The following ST3GAL3 variants were observed in gnomAD, a reference collection of about 807,000 sequenced individuals.
ST3GAL3 encodes ST3 beta-galactoside alpha-2,3-sialyltransferase 3.
In ST3GAL3, 21 loss-of-function variants were observed where a neutral mutation model predicts 50.1. That is an observed-to-expected ratio of 0.42 (90% CI 0.30 to 0.60). The LOEUF is 0.60. Among genes scored for constraint, ST3GAL3 ranks in the 20% least tolerant of loss-of-function variants. ST3GAL3 has a pLI of 0.19. For missense variants in ST3GAL3, 353 were observed against 489.4 expected, an observed-to-expected ratio of 0.72 and a Z score of 2.63; for synonymous variants, 183 against 190.0, an observed-to-expected ratio of 0.96 and a Z score of 0.30.
In ST3GAL3 at chr1:43,930,576, G is replaced by C; in HGVS notation, c.*355G>C. ...TGAATTTGGGTAGGGGGGAGGGTAG[G>C]GATAATTTATTTTTAAATAAGGTTG... On this transcript the variant is annotated 3_prime_UTR_variant, in exon 12 of 12. Coordinates refer to ENST00000347631, the MANE Select transcript of ST3GAL3 (RefSeq NM_006279.5). 1 of 384,936 alleles carries C rather than the reference G, an allele frequency of 2.6e-6. No homozygotes were observed. The highest frequency in any genetic ancestry group is 6.0e-5 in the East Asian group (1 of 16,656). 23.8% of individuals were successfully genotyped at this position (384,936 alleles called of 1,614,324 possible).
At chr1:43,707,868 G>C (rs946770045) in intron 1 of ST3GAL3, 175 bp downstream of exon 1, 4 of 152,264 alleles carry the variant, frequency 2.6e-5, no homozygotes, top group African/African-American at 9.6e-5. Flanking sequence ...CCTTCGGGCT[G>C]GGGGCCCAGT....
rs561742559 is a variant in ST3GAL3, at chr1:43,775,750, A to T, written c.119-16352A>T. ...CATACCCTTGTTCAGCATAGTTACC[A>T]AATAAAAGATTCAGAATACCAAGGA... On this transcript the variant is annotated intron_variant, in intron 2 of 11. Transcript: ENST00000347631. Among the ~76,000 whole-genome samples, 91 of 152,200 alleles carry T rather than the reference A, an allele frequency of 6.0e-4. 2 individuals carry two copies. In the South Asian group the frequency reaches 0.015, roughly 26 times the overall value.
intron 11 of ST3GAL3, among the ~76,000 whole-genome samples, chr1:43,928,524 C>CG (rs902849216): frequency 3.3e-5 from 5 of 151,392 alleles, no homozygotes; most frequent in East Asian, 1.9e-4. Flanking sequence ...CCCTTGAACC[C>CG]GGGGGGCGGA....
At chr1:43,760,348 G>T (rs1689792850) in intron 2 of ST3GAL3, among the ~76,000 whole-genome samples, 1 of 152,206 alleles carries the variant, frequency 6.6e-6, no homozygotes, top group Non-Finnish European at 1.5e-5. Context: ...TAACAAATGA[G>T]ATTTTTTGAT....
chr1:43,746,612 G>A (rs35052091), intron 2 of ST3GAL3, among the ~76,000 whole-genome samples: 48,396 of 151,090 alleles, frequency 0.32, 9,274 homozygotes, highest in East Asian at 0.53. Context: ...ACAGGAGCCC[G>A]CCACCACATC....
intron 2 of ST3GAL3, among the ~76,000 whole-genome samples, chr1:43,751,930 T>C (rs1169364929): frequency 6.6e-6 from 1 of 151,998 alleles, no homozygotes; most frequent in Non-Finnish European, 1.5e-5. Flanking sequence ...GCGATTCTCC[T>C]GTCTCAGTTT....
chr1:43,797,086 G>C (rs1033638525), intron 3 of ST3GAL3, among the ~76,000 whole-genome samples: 1 of 152,326 alleles, frequency 6.6e-6, no homozygotes, highest in Non-Finnish European at 1.5e-5. Flanking sequence ...TACTTGGGAG[G>C]CTGAGGCAGG....
chr1:43,729,089 C>CTT (rs71914132), intron 1 of ST3GAL3, among the ~76,000 whole-genome samples: 27,865 of 117,328 alleles, frequency 0.24, 3,763 homozygotes, highest in Non-Finnish European at 0.3. Context: ...AATTATTTTT[C>CTT]TTTTTTTTTT....
At chr1:43,746,775 T>C (rs1365135857) in intron 2 of ST3GAL3, among the ~76,000 whole-genome samples, 1 of 149,252 alleles carries the variant, frequency 6.7e-6, no homozygotes, top group Non-Finnish European at 1.5e-5. Flanking sequence ...TTTTTGTTTT[T>C]TTTTTTGAGA....
intron 1 of ST3GAL3, among the ~76,000 whole-genome samples, chr1:43,727,786 T>A (rs7528972): frequency 0.073 from 11,136 of 151,974 alleles, 1,347 homozygotes; most frequent in African/African-American, 0.26. Flanking sequence ...TCTCAAAAAT[T>A]TTTTTTTTCT....
chr1:43,834,745 G>A (rs912612641), intron 4 of ST3GAL3, among the ~76,000 whole-genome samples: 5 of 152,142 alleles, frequency 3.3e-5, no homozygotes, highest in Non-Finnish European at 5.9e-5. Flanking sequence ...TGGCAGCCAC[G>A]CGTGTCACAC....
chr1:43,850,409 T>C (rs1239236594), intron 5 of ST3GAL3: 12 of 574,188 alleles, frequency 2.1e-5, no homozygotes, highest in Non-Finnish European at 3.4e-5. Flanking sequence ...CCTTGAACTC[T>C]TTCAGGGTGG....
intron 9 of ST3GAL3, among the ~76,000 whole-genome samples, chr1:43,905,292 T>TG (rs2079132850): frequency 7.5e-6 from 1 of 132,828 alleles, no homozygotes; most frequent in Non-Finnish European, 1.6e-5. Context: ...TGCCTCCTTC[T>TG]GCTCCTCTTC....
chr1:43,889,444 C>CA (rs1347509076), intron 5 of ST3GAL3, among the ~76,000 whole-genome samples: 1 of 152,120 alleles, frequency 6.6e-6, no homozygotes, highest in Admixed American at 6.6e-5. Flanking sequence ...CCCTTAAAAA[C>CA]AAAAGCAGAA....
chr1:43,895,213 T>C (rs1358478918), intron 6 of ST3GAL3, among the ~76,000 whole-genome samples: 1 of 152,150 alleles, frequency 6.6e-6, no homozygotes, highest in South Asian at 2.1e-4. Flanking sequence ...CATCCTGATA[T>C]TTTTCACCTG....
At position 43,737,728 on chromosome 1, in the gene ST3GAL3, T is replaced by C. The variant is rs1225048641; in HGVS notation, c.118+1348T>C. 6.6e-6 allele frequency: 1 copy of C among 152,220 alleles called. No individual in the cohort carries two copies. The highest frequency in any genetic ancestry group is 2.4e-5 in the African/African-American group (1 of 41,462). The allele number at this position is 152,220 out of a possible 1,614,324, so 9.4% of individuals were successfully genotyped here. On this transcript the variant is annotated intron_variant, in intron 2 of 11. Transcript: ENST00000347631. The surrounding 1 kb of genome is among the most constrained non-coding windows in gnomAD (Gnocchi z 4.0). The stretch of plus-strand genomic sequence containing the variant: ...GATCCATCTCTATCAATAATTTAGA[T>C]GGAAATGTGTGTGAAGAACAAGGGT...
At chr1:43,879,783 C>T (rs1041651267) in intron 5 of ST3GAL3, among the ~76,000 whole-genome samples, 12 of 152,192 alleles carry the variant, frequency 7.9e-5, no homozygotes, top group Non-Finnish European at 1.2e-4. Context: ...AAGCCAGAGC[C>T]GCTGCTCCTG....
intron 2 of ST3GAL3, among the ~76,000 whole-genome samples, chr1:43,791,393 G>A (rs899091812): frequency 2.0e-5 from 3 of 151,686 alleles, no homozygotes; most frequent in Admixed American, 6.6e-5. Context: ...CATAGCAGTT[G>A]CCCAGTGCAT....
intron 2 of ST3GAL3, among the ~76,000 whole-genome samples, chr1:43,775,509 A>C (rs1382815331): frequency 7.9e-5 from 12 of 152,330 alleles, no homozygotes. Context: ...CTGGGATTAC[A>C]GGTGTGAGCC....
Sources: gnomAD v4.1 joint callset for allele counts (sites outside exome capture counted in the v4.1 genomes callset) on GRCh38, gnomAD v4.1.1 for gene constraint, Gnocchi (gnomAD v3.1) non-coding constraint, MANE v1.5 for transcripts, NCBI Gene and HGNC (gene_info 2026-07-23, HGNC 2026-07-21) for gene names.